Variants in LYSMD2 observed in about 807,000 individuals in gnomAD.
The protein encoded by LYSMD2 is lysM and putative peptidoglycan-binding domain-containing protein 2.
Under a neutral mutation model 17.7 loss-of-function variants are expected in LYSMD2, and 6 were observed. That is an observed-to-expected ratio of 0.34 (90% CI 0.19 to 0.67). The LOEUF (loss-of-function observed/expected upper bound fraction) is 0.67. Ranked by LOEUF, LYSMD2 falls within the 30% of genes least tolerant of loss-of-function variation. The probability of loss-of-function intolerance (pLI) is 0.69; values close to 1 mark genes in which losing one functional copy is unlikely to be tolerated. For missense variants in LYSMD2, 237 were observed against 286.7 expected (o/e 0.83, Z 1.25); for synonymous variants, 102 against 129.8 (o/e 0.79, Z 1.45).
chr15:51,749,987 C>T (rs1191014278), intron 1 of LYSMD2, among the ~76,000 whole-genome samples: 1 of 152,246 alleles, frequency 6.6e-6, no homozygotes, highest in Admixed American at 6.5e-5. Flanking sequence ...GCAGCCACTG[C>T]GTGCCAGTGT....
intron 1 of LYSMD2, among the ~76,000 whole-genome samples, chr15:51,732,492 A>C (rs1378612213): frequency 6.6e-6 from 1 of 152,224 alleles, no homozygotes; most frequent in East Asian, 1.9e-4. Context: ...CCAAGGCCTC[A>C]AACCAACCAG....
intron 1 of LYSMD2, chr15:51,751,266 T>G: frequency 1.4e-6 from 1 of 702,264 alleles, no homozygotes; most frequent in Non-Finnish European, 2.6e-6. Flanking sequence ...GGGCGGGGTC[T>G]GTACCTGAGA....
At chr15:51,744,762 A>C (rs1760661012) in intron 1 of LYSMD2, among the ~76,000 whole-genome samples, 1 of 152,130 alleles carries the variant, frequency 6.6e-6, no homozygotes, top group Non-Finnish European at 1.5e-5. Flanking sequence ...CACCAGCTAA[A>C]CCATCTGAGT....
rs530514364 is a variant in LYSMD2, at chr15:51,730,701, T to C, written c.274-5580A>G. On this transcript the variant is annotated intron_variant, in intron 1 of 2. Transcript: ENST00000267838. ...ATGCAATTCTCAAAACTTCTTTTTC[T>C]TCCTCTCCATTCCTTAAAAGATATA... Among the ~76,000 whole-genome samples the C allele has an allele frequency of 1.6e-4, 24 of 152,336 alleles. No individual in the cohort carries two copies. The Middle Eastern group carries it at 0.017, about 108-fold the overall frequency.
At chr15:51,737,818 C>T (rs2141599786), upstream of LYSMD2, 2 of 345,272 alleles carry the variant, frequency 5.8e-6, no homozygotes, top group Admixed American at 4.9e-5. This position sits in a 1 kb window ranked among gnomAD's most constrained non-coding sequence, Gnocchi z 4.2. Flanking sequence ...CTGCCTGCCC[C>T]GGGCGCCCGC....
At chr15:51,746,817 C>T (rs917611174) in intron 1 of LYSMD2, among the ~76,000 whole-genome samples, 1 of 151,822 alleles carries the variant, frequency 6.6e-6, no homozygotes, top group Non-Finnish European at 1.5e-5. Context: ...ATCAGTTTAT[C>T]GCTCCAAAAA....
At chr15:51,731,267 A>G (rs2055575010) in intron 1 of LYSMD2, among the ~76,000 whole-genome samples, 1 of 152,156 alleles carries the variant, frequency 6.6e-6, no homozygotes, top group Non-Finnish European at 1.5e-5. Context: ...AAATAATGAG[A>G]ATCTACAAAC....
At chr15:51,737,887 C>T, upstream of LYSMD2, 1 of 255,454 alleles carries the variant, frequency 3.9e-6, no homozygotes, top group Non-Finnish European at 7.4e-6. This position sits in a 1 kb window ranked among gnomAD's most constrained non-coding sequence, Gnocchi z 4.2. Flanking sequence ...CTGCCGGTAC[C>T]GGGAAGACCC....
Position 51,724,849 on chromosome 15 carries a change from T to C in LYSMD2, c.546A>G (p.Arg182=). The C allele has an allele frequency of 6.2e-7, 1 of 1,614,066 alleles. No individual in the cohort carries two copies. Among genetic ancestry groups the C allele is most frequent in the Non-Finnish European group, 8.5e-7 (1 of 1,179,994 alleles). The change falls in exon 2 of 3, where the codon AGA becomes AGG. Residue 182 remains arginine (R), a synonymous_variant. Transcript: ENST00000267838. ...TTGATAACTTAATCTGCAAGTCAAG[T>C]CTCTGCAGGAAATCTCTGGCTGACA... The part of the protein sequence containing the change: ...EEVSARDFLQ[R]LDLQIKLSTQ...
upstream of LYSMD2, among the ~76,000 whole-genome samples, chr15:51,741,026 G>T (rs1255065010): frequency 6.6e-6 from 1 of 152,094 alleles, no homozygotes; most frequent in African/African-American, 2.4e-5. Context: ...TTCTTCAAAG[G>T]ATATGACAGA....
chr15:51,742,888 G>A (rs1369481849), intron 1 of LYSMD2, among the ~76,000 whole-genome samples: 2 of 152,198 alleles, frequency 1.3e-5, no homozygotes, highest in African/African-American at 2.4e-5. Flanking sequence ...CTTGAGACCA[G>A]GAGTTCGAGG....
At chr15:51,748,734 A>G (rs2055681824) in intron 1 of LYSMD2, among the ~76,000 whole-genome samples, 2 of 152,228 alleles carry the variant, frequency 1.3e-5, no homozygotes, top group African/African-American at 2.4e-5. Context: ...CTTACAGGCC[A>G]GTTAAGAGGA....
chr15:51,745,257 T>G (rs1175699798), intron 1 of LYSMD2, among the ~76,000 whole-genome samples: 1 of 152,212 alleles, frequency 6.6e-6, no homozygotes, highest in South Asian at 2.1e-4. Context: ...CATTTTATAG[T>G]GCCAGTATTA....
intron 1 of LYSMD2, among the ~76,000 whole-genome samples, chr15:51,749,197 C>T (rs1045999957): frequency 3.3e-5 from 5 of 152,192 alleles, no homozygotes; most frequent in African/African-American, 1.2e-4. Flanking sequence ...TATTGACATC[C>T]TTTCTTCCTT....
chr15:51,743,467 A>G (rs1357759029), intron 1 of LYSMD2, among the ~76,000 whole-genome samples: 2 of 152,216 alleles, frequency 1.3e-5, no homozygotes, highest in East Asian at 1.9e-4. Context: ...TGGACATTCT[A>G]TACTGTTCCA....
upstream of LYSMD2, among the ~76,000 whole-genome samples, chr15:51,740,601 T>C (rs918219363): frequency 1.2e-4 from 17 of 145,492 alleles, no homozygotes; most frequent in Middle Eastern, 3.4e-3. Flanking sequence ...AGGCAACACA[T>C]AATGAATACA....
chr15:51,734,249 C>T (rs1483965104), intron 1 of LYSMD2, among the ~76,000 whole-genome samples: 4 of 152,152 alleles, frequency 2.6e-5, no homozygotes, highest in Non-Finnish European at 5.9e-5. Context: ...ATTCCAATCC[C>T]ATAGATCCAA....
intron 1 of LYSMD2, among the ~76,000 whole-genome samples, chr15:51,727,937 C>G (rs2055550579): frequency 6.6e-6 from 1 of 152,184 alleles, no homozygotes; most frequent in African/African-American, 2.4e-5. Flanking sequence ...AATCTAAGGA[C>G]AGGGGCAGAT....
intron 1 of LYSMD2, among the ~76,000 whole-genome samples, chr15:51,745,035 G>C (rs1222997388): frequency 6.6e-6 from 1 of 152,040 alleles, no homozygotes; most frequent in Non-Finnish European, 1.5e-5. Flanking sequence ...TGAATTCCTA[G>C]AAAGACATGA....
Sources: allele counts gnomAD v4.1 joint callset (sites outside exome capture counted in the v4.1 genomes callset), GRCh38; gene constraint gnomAD v4.1.1; non-coding constraint Gnocchi (gnomAD v3.1); transcripts MANE v1.5; gene names NCBI Gene and HGNC (gene_info 2026-07-23, HGNC 2026-07-21).